The following CMSS1 variants were observed in gnomAD, a reference collection of about 807,000 sequenced individuals.
CMSS1 encodes protein CMSS1.
A neutral mutation model predicts 43.5 loss-of-function variants in CMSS1; 33 were observed. The ratio of observed to expected loss-of-function variants is 0.76; its 90% confidence interval spans 0.57 to 1.01. CMSS1 has a LOEUF of 1.01. Ranked by LOEUF, CMSS1 falls within the 50% of genes least tolerant of loss-of-function variation. The probability of loss-of-function intolerance (pLI) is 0.00; values close to 1 mark genes in which losing one functional copy is unlikely to be tolerated. For missense variants in CMSS1, 313 were observed against 326.4 expected (o/e 0.96, Z 0.32); for synonymous variants, 115 against 117.2 (o/e 0.98, Z 0.12).
intron 1 of CMSS1, among the ~76,000 whole-genome samples, chr3:99,823,842 T>G (rs78506515): frequency 1.9e-4 from 29 of 152,234 alleles, no homozygotes; most frequent in African/African-American, 6.5e-4. Context: ...TAGGCCACAC[T>G]CATTCTGTCT....
intron 1 of CMSS1, 111 bp from the exon 2 acceptor site, chr3:100,146,862 G>T: frequency 7.5e-7 from 1 of 1,327,366 alleles, no homozygotes; most frequent in Non-Finnish European, 1.0e-6. Flanking sequence ...CAGCTTCTTT[G>T]AGGTAGAATT....
chr3:100,009,919 C>G (rs1439045330), intron 1 of CMSS1, among the ~76,000 whole-genome samples: 1 of 152,130 alleles, frequency 6.6e-6, no homozygotes, highest in Non-Finnish European at 1.5e-5. Context: ...TTTCTTTCAC[C>G]ATTGCTTTTG....
intron 1 of CMSS1, among the ~76,000 whole-genome samples, chr3:100,108,098 T>G (rs1387647): frequency 0.44 from 66,722 of 151,782 alleles, 15,125 homozygotes; most frequent in African/African-American, 0.53. Flanking sequence ...TAACTTAGGG[T>G]CCCAAAGAAA....
At chr3:100,070,985 T>G (rs1002780367) in intron 1 of CMSS1, among the ~76,000 whole-genome samples, 3 of 152,082 alleles carry the variant, frequency 2.0e-5, no homozygotes, top group Non-Finnish European at 4.4e-5. Flanking sequence ...TGTAATGCCC[T>G]TTTTTTGTTT....
At chr3:99,828,185 G>GT (rs1448353474) in intron 1 of CMSS1, among the ~76,000 whole-genome samples, 3 of 151,754 alleles carry the variant, frequency 2.0e-5, no homozygotes, top group Non-Finnish European at 2.9e-5. Flanking sequence ...ATTCCAATGG[G>GT]TTTTTTTTCT....
chr3:99,942,201 C>CA (rs968127559), intron 1 of CMSS1, among the ~76,000 whole-genome samples: 125 of 119,118 alleles, frequency 1.0e-3, no homozygotes, highest in Middle Eastern at 4.4e-3. Context: ...GACTCCATCT[C>CA]AAAAAAAAAA....
intron 1 of CMSS1, among the ~76,000 whole-genome samples, chr3:100,038,081 G>A (rs1029594663): frequency 6.5e-4 from 98 of 151,430 alleles, no homozygotes; most frequent in Non-Finnish European, 3.2e-4. Context: ...TCAGCCTCCC[G>A]AGTAGCTGGG....
chr3:99,850,627 T>C, intron 1 of CMSS1: 1 of 1,614,024 alleles, frequency 6.2e-7, no homozygotes, highest in Non-Finnish European at 8.5e-7. Flanking sequence ...ATCTTGCAGC[T>C]CCTCTTCTGC....
chr3:100,017,550 T>C lies in CMSS1; in HGVS notation c.65-129423T>C, dbSNP rs114858478. Among the ~76,000 whole-genome samples the C allele has an allele frequency of 6.8e-3, 1,034 of 152,340 alleles. 15 individuals are homozygous for C. Among genetic ancestry groups the C allele is most frequent in the African/African-American group, 0.024 (977 of 41,574 alleles). On this transcript the variant is annotated intron_variant, in intron 1 of 9. Coordinates refer to ENST00000421999, the MANE Select transcript of CMSS1 (RefSeq NM_032359.4). ...GAGTGAAATTATTGTATATGTACTT[T>C]GTGCTGTCAGCAACATGTATCCTGA...
At chr3:99,950,519 C>T (rs1708144803) in intron 1 of CMSS1, among the ~76,000 whole-genome samples, 2 of 152,144 alleles carry the variant, frequency 1.3e-5, no homozygotes, top group African/African-American at 4.8e-5. Flanking sequence ...ACTAGTCTCC[C>T]CTGGTGACTT....
intron 1 of CMSS1, among the ~76,000 whole-genome samples, chr3:100,065,280 C>T (rs908095366): frequency 6.6e-6 from 1 of 152,126 alleles, no homozygotes; most frequent in Non-Finnish European, 1.5e-5. Flanking sequence ...CCAGATAATG[C>T]TTTTTCCTGC....
At chr3:100,139,980 T>C (rs931291141) in intron 1 of CMSS1, among the ~76,000 whole-genome samples, 1 of 152,186 alleles carries the variant, frequency 6.6e-6, no homozygotes, top group Admixed American at 6.5e-5. Context: ...CTATGTCCTT[T>C]ACCTTAAAAG....
In CMSS1 at chr3:100,178,550, A is replaced by G. The variant is rs2067166475; in HGVS notation, c.*162A>G. ...GTGGGGATTCTGAAACAGAAATGAAACTGTCCTTTTGACAACTCTCTTATA... is the reference window on the plus strand; with the variant it reads ...GTGGGGATTCTGAAACAGAAATGAAGCTGTCCTTTTGACAACTCTCTTATA... On this transcript the variant is annotated 3_prime_UTR_variant, in exon 10 of 10. Transcript: ENST00000421999. 1.8e-6 allele frequency: 1 copy of G among 564,984 alleles called. No homozygotes were observed. Among genetic ancestry groups the G allele is most frequent in the Non-Finnish European group, 3.2e-6 (1 of 315,720 alleles). 35.0% of individuals were successfully genotyped at this position (564,984 alleles called of 1,614,324 possible). A position where few individuals can be genotyped will look rare whatever the true frequency, so the allele number is the denominator to read the frequency against.
At position 99,889,263 on chromosome 3, in the gene CMSS1, T is replaced by C. The variant is rs143702121; in HGVS notation, c.64+71220T>C. 8.5e-4 allele frequency among the ~76,000 whole-genome samples: 130 copies of C among 152,268 alleles called. 2 individuals carry two copies. The East Asian group carries it at 0.022, about 26-fold the overall frequency. ...CCTTGTGTTTCTGGCAATTCTTGCT[T>C]TACATATTTTTAGATGCACACAAAT... On this transcript the variant is annotated intron_variant, in intron 1 of 9. Coordinates refer to ENST00000421999, the MANE Select transcript of CMSS1 (RefSeq NM_032359.4).
intron 1 of CMSS1, among the ~76,000 whole-genome samples, chr3:100,023,682 C>G (rs542929883): frequency 6.6e-6 from 1 of 151,878 alleles, no homozygotes; most frequent in Non-Finnish European, 1.5e-5. Flanking sequence ...ATGGAGTTGG[C>G]CTCATATAAA....
At chr3:99,989,656 A>G (rs937571891) in intron 1 of CMSS1, among the ~76,000 whole-genome samples, 1 of 137,862 alleles carries the variant, frequency 7.3e-6, no homozygotes, top group Non-Finnish European at 1.5e-5. Context: ...TCAATTTAGT[A>G]TCTTCCTCTA....
chr3:100,009,170 G>T (rs1452665493), intron 1 of CMSS1, among the ~76,000 whole-genome samples: 4 of 152,164 alleles, frequency 2.6e-5, no homozygotes, highest in Non-Finnish European at 5.9e-5. Context: ...ACTGAGGCCT[G>T]TTTCAATTTG....
chr3:99,930,303 C>G (rs925687483), intron 1 of CMSS1, among the ~76,000 whole-genome samples: 6 of 152,178 alleles, frequency 3.9e-5, no homozygotes, highest in African/African-American at 1.4e-4. Flanking sequence ...TGATATCCAT[C>G]AATGTACTAG....
intron 1 of CMSS1, among the ~76,000 whole-genome samples, chr3:99,851,672 A>T (rs1163108693): frequency 6.6e-6 from 1 of 152,204 alleles, no homozygotes; most frequent in Non-Finnish European, 1.5e-5. Flanking sequence ...GGCTTGCTTG[A>T]ACCAAAGTGT....
Sources: allele counts gnomAD v4.1 joint callset (sites outside exome capture counted in the v4.1 genomes callset), GRCh38; gene constraint gnomAD v4.1.1; transcripts MANE v1.5; gene names NCBI Gene and HGNC (gene_info 2026-07-23, HGNC 2026-07-21).